The following PHKA1 variants were observed in gnomAD, a reference collection of about 807,000 sequenced individuals.
PHKA1 encodes the protein phosphorylase b kinase regulatory subunit alpha, skeletal muscle isoform.
In PHKA1, 60 loss-of-function variants were observed where a neutral mutation model predicts 110.2. The observed-to-expected ratio is 0.54, with a 90% confidence interval of 0.44 to 0.68. The LOEUF (loss-of-function observed/expected upper bound fraction) is 0.68, where lower values mean the gene tolerates loss of function less well. Among genes scored for constraint, PHKA1 ranks in the 30% least tolerant of loss-of-function variants. The pLI, the probability that PHKA1 is intolerant of heterozygous loss-of-function variation, is 0.00. For missense variants in PHKA1, 801 were observed against 942.5 expected (o/e 0.85, Z 1.97); for synonymous variants, 316 against 333.6 (o/e 0.95, Z 0.58).
chrX:72,673,335 G>A (rs1213208224), intron 6 of PHKA1, among the ~76,000 whole-genome samples: 1 of 111,926 alleles, frequency 8.9e-6, no homozygotes, highest in Non-Finnish European at 1.9e-5. Flanking sequence ...TGTTTAATCA[G>A]AGAAAAAGAT....
intron 29 of PHKA1, among the ~76,000 whole-genome samples, chrX:72,587,530 G>C (rs1282434080): frequency 2.7e-5 from 3 of 111,430 alleles, no homozygotes; most frequent in African/African-American, 9.8e-5. Flanking sequence ...ATCAACTAAC[G>C]AGCAAAATCA....
chrX:72,699,063 G>T (rs2054166631), intron 3 of PHKA1, among the ~76,000 whole-genome samples: 1 of 110,814 alleles, frequency 9.0e-6, no homozygotes, highest in Non-Finnish European at 1.9e-5. Context: ...TAATTATTTG[G>T]GTATTTTCCA....
chrX:72,702,757 C>G (rs1216470296), intron 3 of PHKA1, among the ~76,000 whole-genome samples: 1 of 111,514 alleles, frequency 9.0e-6, no homozygotes. Flanking sequence ...TTTGAAAAAA[C>G]AAAGGTGGGG....
At chrX:72,666,752 C>A (rs2053619817) in intron 7 of PHKA1, among the ~76,000 whole-genome samples, 2 of 111,912 alleles carry the variant, frequency 1.8e-5, no homozygotes, top group South Asian at 7.5e-4. Flanking sequence ...GAAGGCTCAG[C>A]TCCTCTACTT....
chrX:72,681,393 TGGG>T (rs1293049179), intron 5 of PHKA1, among the ~76,000 whole-genome samples: 3 of 82,674 alleles, frequency 3.6e-5, no homozygotes, highest in Non-Finnish European at 5.1e-5. Flanking sequence ...GGGAGGGAGG[TGGG>T]GGGGGGTCAG....
intron 17 of PHKA1, among the ~76,000 whole-genome samples, chrX:72,623,727 G>A (rs1424913501): frequency 7.2e-5 from 8 of 111,041 alleles, no homozygotes; most frequent in Non-Finnish European, 1.5e-4. Context: ...AAGCCATATC[G>A]TCTCCTACTT....
intron 13 of PHKA1, among the ~76,000 whole-genome samples, chrX:72,645,343 C>G (rs1258111056): frequency 2.7e-5 from 3 of 112,472 alleles, no homozygotes; most frequent in African/African-American, 9.7e-5. Context: ...AAAGAATGCA[C>G]TGCTTGGCTT....
intron 28 of PHKA1, among the ~76,000 whole-genome samples, chrX:72,597,436 A>C (rs1440762907): frequency 9.0e-6 from 1 of 111,191 alleles, no homozygotes; most frequent in Non-Finnish European, 1.9e-5. Context: ...TCTTGTCACA[A>C]CTCATTGCAG....
At position 72,623,236 on chromosome X, in the gene PHKA1, A is replaced by G. The variant is rs1556280129; in HGVS notation, c.1833T>C (p.Ser611=). ...TGKLSEFLTT[S]CCTHLSFMDP... ...CCATGAAGCTCAAGTGTGTGCAACA[A>G]GATGTTGTCAAAAACTCTGACAATT... Residue 611 remains serine (S), a synonymous_variant, in exon 18 of 32, where the codon TCT becomes TCC. Coordinates refer to ENST00000373542, the MANE Select transcript of PHKA1 (RefSeq NM_002637.4). 2 of 1,210,656 alleles carry G rather than the reference A, an allele frequency of 1.7e-6. No homozygotes were observed. Among genetic ancestry groups the G allele is most frequent in the Admixed American group, 2.2e-5 (1 of 45,914 alleles).
chrX:72,683,157 G>A (rs954693833), intron 5 of PHKA1, among the ~76,000 whole-genome samples: 1 of 112,029 alleles, frequency 8.9e-6, no homozygotes, highest in Non-Finnish European at 1.9e-5. Flanking sequence ...TGGAAAACAG[G>A]CCAGGTGTGG....
At chrX:72,655,992 G>A (rs952954977) in intron 10 of PHKA1, 128 bp downstream of exon 10, 11 of 723,343 alleles carry the variant, frequency 1.5e-5, no homozygotes, top group Non-Finnish European at 2.2e-5. Flanking sequence ...TCAACTAGTA[G>A]CCTGTAGGGA....
At chrX:72,626,555 G>A (rs2053073783) in intron 17 of PHKA1, among the ~76,000 whole-genome samples, 2 of 110,839 alleles carry the variant, frequency 1.8e-5, no homozygotes, top group African/African-American at 6.6e-5. Flanking sequence ...GTTAGCCCCC[G>A]CTTACTCCTG....
At chrX:72,628,550 C>T (rs1556284557) in intron 16 of PHKA1, among the ~76,000 whole-genome samples, 1 of 99,803 alleles carries the variant, frequency 1.0e-5, no homozygotes, top group African/African-American at 3.7e-5. Flanking sequence ...AAAAATATTC[C>T]CATATATATA....
chrX:72,600,065 T>TG (rs200590170), intron 28 of PHKA1, among the ~76,000 whole-genome samples: 1,228 of 108,191 alleles, frequency 0.011, 22 homozygotes, highest in African/African-American at 0.039. Context: ...ACCCTTATAA[T>TG]TTTTTTTTTC....
chrX:72,681,671 G>A (rs1556315488), intron 5 of PHKA1, among the ~76,000 whole-genome samples: 4 of 83,734 alleles, frequency 4.8e-5, no homozygotes, highest in East Asian at 4.8e-4. Flanking sequence ...GGAGGGAGAT[G>A]GGGGGGTCAG....
chrX:72,650,525 T>G, intron 12 of PHKA1, 57 bp from the exon 13 acceptor site: 1 of 978,008 alleles, frequency 1.0e-6, no homozygotes, highest in Non-Finnish European at 1.4e-6. Flanking sequence ...AACTAATACT[T>G]GAGGGAAAAC....
At chrX:72,611,893 T>G (rs782581473) in intron 21 of PHKA1, among the ~76,000 whole-genome samples, 1 of 111,780 alleles carries the variant, frequency 8.9e-6, no homozygotes, top group Non-Finnish European at 1.9e-5. Context: ...TATATCAGTA[T>G]TGAAAATATT....
chrX:72,666,294 T>C lies in PHKA1; in HGVS notation c.721A>G (p.Ile241Val), dbSNP rs781893582. 6 of 1,207,186 alleles carry C rather than the reference T, an allele frequency of 5.0e-6. No individual in the cohort carries two copies. The highest frequency in any genetic ancestry group is 1.7e-5 in the African/African-American group (1 of 57,738). Reference protein sequence around the residue: ...LADEVQHCQSILNSLLPRAST... With the variant: ...LADEVQHCQSVLNSLLPRAST... ...GCACGGGGCAGTAGTGAATTTAGGA[T>C]AGACTAAGAGAAAAGAAGTTAAGTT... The change falls in exon 8 of 32, where the codon ATC becomes GTC. Residue 241 changes from isoleucine (I) to valine (V), a missense_variant. Ile to Val is a conservative substitution (Grantham distance 29). Around this residue, in one of 2 missense-constraint regions of PHKA1, gnomAD observed 299 missense variants for 423.3 expected, o/e 0.71. Coordinates refer to ENST00000373542, the MANE Select transcript of PHKA1 (RefSeq NM_002637.4).
intron 3 of PHKA1, among the ~76,000 whole-genome samples, chrX:72,702,806 GGAACT>G (rs2147837677): frequency 9.0e-6 from 1 of 111,663 alleles, no homozygotes; most frequent in East Asian, 2.8e-4. Context: ...CTACAAGCTG[GGAACT>G]GGTCAGGGAA....
Sources: allele counts gnomAD v4.1 joint callset (sites outside exome capture counted in the v4.1 genomes callset), GRCh38; gene constraint gnomAD v4.1.1; regional missense constraint gnomAD v4.1.1; transcripts MANE v1.5; gene names NCBI Gene and HGNC (gene_info 2026-07-23, HGNC 2026-07-21).